TRMT44: variants seen among roughly 807,000 people sequenced by gnomAD.
The protein encoded by TRMT44 is tRNA methyltransferase 44 homolog, also known as probable tRNA (uracil-O(2)-)-methyltransferase.
In TRMT44, 78 loss-of-function variants were observed where a neutral mutation model predicts 77.3. That is an observed-to-expected ratio of 1.01 (90% confidence interval 0.84 to 1.22). The LOEUF (loss-of-function observed/expected upper bound fraction) is 1.22. Ranked by LOEUF, TRMT44 falls within the 50% of genes most tolerant of loss-of-function variation. TRMT44 has a pLI of 0.00. For synonymous variants in TRMT44, 391 were observed against 383.3 expected, an observed-to-expected ratio of 1.02 and a Z score of -0.23; for missense variants, 1,090 against 964.4, an observed-to-expected ratio of 1.13 and a Z score of -1.73.
intron 2 of TRMT44, among the ~76,000 whole-genome samples, chr4:8,492,797 T>C (rs1468539141): frequency 6.6e-6 from 1 of 152,326 alleles, no homozygotes; most frequent in East Asian, 1.9e-4. Flanking sequence ...CGTTTGCCTC[T>C]TATCTACCTA....
At chr4:8,515,947 C>T in the TRMT44 span, among the ~76,000 whole-genome samples, 2 of 152,140 alleles carry the variant, frequency 1.3e-5, no homozygotes, top group Non-Finnish European at 2.9e-5. Flanking sequence ...CCAGGCTTTC[C>T]ACGCCTCTCT....
chr4:8,494,983 C>T (rs1728109764), downstream of TRMT44, among the ~76,000 whole-genome samples: 1 of 152,236 alleles, frequency 6.6e-6, no homozygotes, highest in Non-Finnish European at 1.5e-5. Flanking sequence ...AAGCATTAAA[C>T]ACGGGTGAAC....
chr4:8,465,612 A>C (rs1257788150), intron 8 of TRMT44, 51 bp downstream of exon 8: 2 of 1,512,186 alleles, frequency 1.3e-6, no homozygotes, highest in East Asian at 2.3e-5. Context: ...GTTCAGATGG[A>C]GAGCTCAGGG....
At chr4:8,501,306 A>C in the TRMT44 span, among the ~76,000 whole-genome samples, 3 of 152,224 alleles carry the variant, frequency 2.0e-5, no homozygotes, top group African/African-American at 7.2e-5. This position sits in a 1 kb window ranked among gnomAD's most constrained non-coding sequence, Gnocchi z 4.4. Flanking sequence ...CCCCACCCCC[A>C]GTTGGCCCCT....
At chr4:8,467,168 C>T (rs1726621860) in intron 8 of TRMT44, among the ~76,000 whole-genome samples, 1 of 152,230 alleles carries the variant, frequency 6.6e-6, no homozygotes, top group African/African-American at 2.4e-5. Flanking sequence ...CCCGTATGCA[C>T]TCGCTGGCTC....
the TRMT44 span, among the ~76,000 whole-genome samples, chr4:8,502,602 T>G: frequency 1.3e-5 from 2 of 152,230 alleles, no homozygotes; most frequent in South Asian, 4.1e-4. Flanking sequence ...ATTCGATTCC[T>G]TGCTGGCTGT....
intron 6 of TRMT44, among the ~76,000 whole-genome samples, chr4:8,460,861 T>C (rs1007538453): frequency 5.9e-5 from 9 of 151,838 alleles, no homozygotes; most frequent in African/African-American, 2.2e-4. Flanking sequence ...CCCCTTTTAT[T>C]TTTTTGGAGA....
chr4:8,471,312 C>T (rs1276769140), intron 10 of TRMT44, 112 bp downstream of exon 10: 7 of 769,782 alleles, frequency 9.1e-6, no homozygotes, highest in Non-Finnish European at 2.0e-6. Context: ...CTGACAGAAG[C>T]AGCAAGTTCC....
Position 8,447,636 on chromosome 4 carries a change from T to C in TRMT44, c.734+1046T>C, listed in dbSNP as rs370407288. ...TGAGCCTCTGAGGAGGTGGCAGGGCTGGGCCTCACATGGATCTGTTGCAGC... is the reference window on the plus strand; with the variant it reads ...TGAGCCTCTGAGGAGGTGGCAGGGCCGGGCCTCACATGGATCTGTTGCAGC... On this transcript the variant is annotated intron_variant, in intron 2 of 10. Transcript: ENST00000389737. 1.1e-4 allele frequency among the ~76,000 whole-genome samples: 16 copies of C among 152,336 alleles called. No homozygotes were observed. The East Asian group carries it at 2.9e-3, about 28-fold the overall frequency.
chr4:8,506,484 C>T, the TRMT44 span, among the ~76,000 whole-genome samples: 3 of 152,166 alleles, frequency 2.0e-5, no homozygotes, highest in African/African-American at 4.8e-5. Context: ...CCTTCCAGCC[C>T]GGGCACCACT....
Position 8,471,191 on chromosome 4 carries a change from G to A in TRMT44, c.2035G>A (p.Val679Met). ...LQTLLRNSHQ[V>M]FQVVNGRVHI... is the part of the protein sequence containing the mutation. ...GACGCTGCTCCGGAACAGCCACCAG[G>A]TGTTCCAAGGTACGGAGTCCGCCTC... The change falls in exon 10 of 11, where the codon GTG becomes ATG. Residue 679 changes from valine to methionine, a missense_variant. Transcript: ENST00000389737. 1 of 1,590,516 alleles carries A rather than the reference G, an allele frequency of 6.3e-7. No homozygotes were observed. Among genetic ancestry groups the A allele is most frequent in the Non-Finnish European group, 8.6e-7 (1 of 1,168,646 alleles).
At chr4:8,468,797 C>T (rs944843445) in intron 9 of TRMT44, among the ~76,000 whole-genome samples, 2 of 152,218 alleles carry the variant, frequency 1.3e-5, no homozygotes, top group Non-Finnish European at 2.9e-5. Context: ...AAAATTACAT[C>T]GATTGTTCTC....
chr4:8,488,782 G>C (rs574360354), intron 2 of TRMT44, among the ~76,000 whole-genome samples: 2 of 152,154 alleles, frequency 1.3e-5, no homozygotes, highest in Non-Finnish European at 2.9e-5. Context: ...GTGCCTTCTC[G>C]GCAGACTCTT....
chr4:8,488,910 G>T (rs373943944), intron 2 of TRMT44, among the ~76,000 whole-genome samples: 1 of 152,224 alleles, frequency 6.6e-6, no homozygotes, highest in Non-Finnish European at 1.5e-5. Context: ...CCACTGCGAC[G>T]AAGGGAGGAA....
chr4:8,480,839 A>G (rs1447632845), downstream of TRMT44, among the ~76,000 whole-genome samples: 1 of 152,196 alleles, frequency 6.6e-6, no homozygotes, highest in African/African-American at 2.4e-5. Flanking sequence ...TTACTTTCCA[A>G]CCTGACCCTG....
chr4:8,475,741 C>A (rs1339455838), intron 10 of TRMT44, 31 bp from the exon 11 acceptor site: 1 of 1,605,474 alleles, frequency 6.2e-7, no homozygotes, highest in African/African-American at 1.3e-5. Context: ...AGGTTTACTT[C>A]TCAGTGTGTC....
chr4:8,475,723 G>A (rs763542316), intron 10 of TRMT44, 49 bp from the exon 11 acceptor site: 1 of 1,580,654 alleles, frequency 6.3e-7, no homozygotes, highest in Non-Finnish European at 8.7e-7. Flanking sequence ...GTGAATTAAG[G>A]AACTTTCAGG....
downstream of TRMT44, among the ~76,000 whole-genome samples, chr4:8,498,216 A>AT (rs1415718424): frequency 6.6e-6 from 1 of 152,032 alleles, no homozygotes; most frequent in African/African-American, 2.4e-5. The surrounding 1 kb of genome is among the most constrained non-coding windows in gnomAD (Gnocchi z 4.3). Context: ...AGATGATGAC[A>AT]TTTTGCTTGA....
At chr4:8,445,885 A>G (rs1355171869) in intron 1 of TRMT44, among the ~76,000 whole-genome samples, 1 of 152,212 alleles carries the variant, frequency 6.6e-6, no homozygotes. Flanking sequence ...TTTTAGAGAT[A>G]GAACTTTATA....
Sources: allele counts gnomAD v4.1 joint callset (sites outside exome capture counted in the v4.1 genomes callset), GRCh38; gene constraint gnomAD v4.1.1; non-coding constraint Gnocchi (gnomAD v3.1); transcripts MANE v1.5; gene names NCBI Gene and HGNC (gene_info 2026-07-23, HGNC 2026-07-21).